The following TLL1 variants were observed in gnomAD, a reference collection of about 807,000 sequenced individuals.
The protein encoded by TLL1 is tolloid-like protein 1.
In TLL1, 49 loss-of-function variants were observed where a neutral mutation model predicts 128.2. The ratio of observed to expected loss-of-function variants is 0.38; its 90% CI spans 0.30 to 0.48. The LOEUF is 0.48. Ranked by LOEUF, TLL1 falls within the 20% of genes least tolerant of loss-of-function variation. The pLI is 0.96. For synonymous variants in TLL1, 454 were observed against 418.8 expected (o/e 1.08, Z -1.03); for missense variants, 1,123 against 1,242.0 (o/e 0.90, Z 1.44).
intron 15 of TLL1, among the ~76,000 whole-genome samples, chr4:166,061,843 G>A (rs1264733407): frequency 6.6e-6 from 1 of 151,898 alleles, no homozygotes; most frequent in Non-Finnish European, 1.5e-5. Context: ...GGGTTTTTGT[G>A]GTTTTAGTTC....
chr4:166,041,319 T>G (rs1391007857), intron 10 of TLL1, among the ~76,000 whole-genome samples: 1 of 145,408 alleles, frequency 6.9e-6, no homozygotes, highest in Non-Finnish European at 1.5e-5. Context: ...TTTTTTTTTT[T>G]GAAATGGAGT....
chr4:166,029,491 A>G (rs1242558156), intron 9 of TLL1, among the ~76,000 whole-genome samples: 2 of 152,040 alleles, frequency 1.3e-5, no homozygotes, highest in Admixed American at 6.6e-5. Flanking sequence ...TTGTGGTAAA[A>G]TAAACTATAA....
chr4:166,102,442 T>C lies in TLL1; in HGVS notation c.*1566T>C, dbSNP rs1013656148. On this transcript the variant is annotated 3_prime_UTR_variant, in exon 21 of 21. Coordinates refer to ENST00000061240, the MANE Select transcript of TLL1 (RefSeq NM_012464.5). ...TGGGTGGTTGAAAAGTTAAAATGTATGTGCCAAGTTCTACTAGAATTCCAT... is the reference window on the plus strand; with the variant it reads ...TGGGTGGTTGAAAAGTTAAAATGTACGTGCCAAGTTCTACTAGAATTCCAT... 1 of 152,438 alleles carries C rather than the reference T, an allele frequency of 6.6e-6. No individual in the cohort carries two copies. The highest frequency in any genetic ancestry group is 2.4e-5 in the African/African-American group (1 of 41,444). The allele number at this position is 152,438 out of a possible 1,614,324, so 9.4% of individuals were successfully genotyped here.
At chr4:166,009,973 T>C (rs2111044316) in intron 7 of TLL1, among the ~76,000 whole-genome samples, 1 of 151,460 alleles carries the variant, frequency 6.6e-6, no homozygotes, top group Middle Eastern at 3.4e-3. Context: ...TTAAACAACT[T>C]CTCTTTTCTA....
chr4:166,026,546 G>T (rs1738499704), intron 9 of TLL1, among the ~76,000 whole-genome samples: 1 of 152,196 alleles, frequency 6.6e-6, no homozygotes, highest in Non-Finnish European at 1.5e-5. Flanking sequence ...AATTAGCTGG[G>T]CATGTTGGCA....
At chr4:166,084,912 G>GT (rs57229144) in intron 18 of TLL1, among the ~76,000 whole-genome samples, 11,338 of 149,276 alleles carry the variant, frequency 0.076, 665 homozygotes, top group African/African-American at 0.15. Flanking sequence ...ACATTTTAGT[G>GT]TTTTTTTTTC....
At chr4:166,043,470 T>C (rs758459275) in intron 12 of TLL1, 51 bp downstream of exon 12, 4 of 1,611,252 alleles carry the variant, frequency 2.5e-6, no homozygotes, top group Admixed American at 1.7e-5. Context: ...TAAACGACAA[T>C]GGCATTTAAG....
rs1579530485 is a variant in TLL1 at position 165,950,974 on chromosome 4, CT to C, written c.170-38404del. On this transcript the variant is annotated intron_variant, in intron 1 of 20. Transcript: ENST00000061240. ...AAATCAATGAAACCAAAAGCTGATT[CT>C]TTGGGAACAAAATCAATAACATTGA... 5.9e-5 allele frequency among the ~76,000 whole-genome samples: 9 copies of C among 152,072 alleles called. 1 individual carries two copies. The highest frequency in any genetic ancestry group is 2.6e-4 in the Admixed American group (4 of 15,260).
chr4:166,062,083 G>A (rs1450947516), intron 15 of TLL1, among the ~76,000 whole-genome samples: 1 of 152,106 alleles, frequency 6.6e-6, no homozygotes, highest in Admixed American at 6.5e-5. Flanking sequence ...CTATATCTCT[G>A]TGTTGGTACC....
chr4:165,877,020 G>C (rs1011933246), intron 1 of TLL1, among the ~76,000 whole-genome samples: 11 of 152,208 alleles, frequency 7.2e-5, no homozygotes, highest in African/African-American at 2.7e-4. Context: ...GATATCTATA[G>C]ACTGTTGATA....
chr4:165,992,894 T>C lies in TLL1; in HGVS notation c.361+10T>C, dbSNP rs1431845147. The stretch of plus-strand genomic sequence containing the variant: ...AGAAGAATTGGCTTTGGTATATCAA[T>C]GTTTAAAGTTGCAGACGCTTGACTT... On this transcript the variant is annotated intron_variant, in intron 3 of 20. Coordinates refer to ENST00000061240, the MANE Select transcript of TLL1 (RefSeq NM_012464.5). The C allele has an allele frequency of 1.2e-6, 2 of 1,608,482 alleles. No homozygotes were observed. The highest frequency in any genetic ancestry group is 1.3e-5 in the African/African-American group (1 of 74,824).
At chr4:166,007,021 G>A (rs566726537) in intron 6 of TLL1, among the ~76,000 whole-genome samples, 8 of 151,784 alleles carry the variant, frequency 5.3e-5, no homozygotes, top group South Asian at 4.1e-4. Flanking sequence ...CTCCAAAAGT[G>A]AATTTGGAAT....
intron 1 of TLL1, among the ~76,000 whole-genome samples, chr4:165,986,589 A>G (rs1736403504): frequency 6.6e-6 from 1 of 152,106 alleles, no homozygotes; most frequent in Admixed American, 6.6e-5. Context: ...CATCACTACC[A>G]AACTATTCTG....
At chr4:166,031,079 C>G in intron 9 of TLL1, 2 of 837,442 alleles carry the variant, frequency 2.4e-6, no homozygotes, top group Non-Finnish European at 2.9e-6. Context: ...CAAAGAATTA[C>G]TCATAAAATG....
intron 1 of TLL1, among the ~76,000 whole-genome samples, chr4:165,907,443 G>A (rs1201634941): frequency 6.6e-6 from 1 of 152,142 alleles, no homozygotes; most frequent in Non-Finnish European, 1.5e-5. Flanking sequence ...AGGGTAGCTT[G>A]TAAAAGGCAT....
intron 5 of TLL1, among the ~76,000 whole-genome samples, chr4:166,001,311 T>A (rs1192570502): frequency 6.6e-6 from 1 of 152,136 alleles, no homozygotes; most frequent in African/African-American, 2.4e-5. Context: ...GTTTTAGATA[T>A]ATTTATAATT....
chr4:166,029,066 T>C (rs1320804770), intron 9 of TLL1, among the ~76,000 whole-genome samples: 1 of 151,960 alleles, frequency 6.6e-6, no homozygotes, highest in Non-Finnish European at 1.5e-5. Context: ...CAGTTCTATT[T>C]ATTGTGACTA....
rs1210914227 is a variant in TLL1, at chr4:166,047,643, G to A, written c.1524+4224G>A. Among the ~76,000 whole-genome samples, 5 of 151,892 alleles carry A rather than the reference G, an allele frequency of 3.3e-5. No individual in the cohort carries two copies. The East Asian group carries it at 9.7e-4, about 29-fold the overall frequency. On this transcript the variant is annotated intron_variant, in intron 12 of 20. Transcript: ENST00000061240. The stretch of plus-strand genomic sequence containing the variant: ...TGCTTCTATGTGAATTTATGTCATG[G>A]CTTTACCTTTGCCAGTGCCATTTGC...
At chr4:165,902,302 C>A (rs1313574766) in intron 1 of TLL1, among the ~76,000 whole-genome samples, 4 of 144,516 alleles carry the variant, frequency 2.8e-5, no homozygotes, top group African/African-American at 1.1e-4. Flanking sequence ...GAAAAAAAAA[C>A]AAAAAAACAA....
Sources: gnomAD v4.1 joint callset for allele counts (sites outside exome capture counted in the v4.1 genomes callset) on GRCh38, gnomAD v4.1.1 for gene constraint, MANE v1.5 for transcripts, NCBI Gene and HGNC (gene_info 2026-07-23, HGNC 2026-07-21) for gene names.